The following SLC9A9 variants were observed in gnomAD, a reference collection of about 807,000 sequenced individuals.
SLC9A9 encodes the protein sodium/hydrogen exchanger 9.
SLC9A9 carries 62 observed loss-of-function variants against 77.8 expected under a neutral mutation model. That is an observed-to-expected ratio of 0.80 (90% CI 0.65 to 0.98). SLC9A9 has a LOEUF of 0.98. Ranked by LOEUF, SLC9A9 falls within the 50% of genes least tolerant of loss-of-function variation. SLC9A9 has a pLI of 0.00. For synonymous variants in SLC9A9, 320 were observed against 283.5 expected (o/e 1.13, Z -1.29); for missense variants, 775 against 774.9 (o/e 1.00, Z 0.00).
Position 143,571,490 on chromosome 3 carries a change from C to A in SLC9A9, c.1000+2598G>T, listed in dbSNP as rs186735696. Among the ~76,000 whole-genome samples the A allele has an allele frequency of 1.2e-4, 18 of 152,144 alleles. No individual in the cohort carries two copies. The East Asian group carries it at 3.5e-3, about 29-fold the overall frequency. On this transcript the variant is annotated intron_variant, in intron 8 of 15. Transcript: ENST00000316549. ...GAGAAATGACCATATGAAGAATGAA[C>A]CTCCATTTTCCCTAAAATTATTATT...
rs114348238 is a variant in SLC9A9, at chr3:143,528,767, C to T, written c.1089+23595G>A. On this transcript the variant is annotated intron_variant, in intron 9 of 15. Transcript: ENST00000316549. Reference sequence around the variant, plus strand: ...ATAAGCCACCTTCTATACATTAACTCATGCCTGGGTATTTTTGTCCTTCTA... The same window carrying T: ...ATAAGCCACCTTCTATACATTAACTTATGCCTGGGTATTTTTGTCCTTCTA... Among the ~76,000 whole-genome samples the T allele has an allele frequency of 3.6e-4, 54 of 151,402 alleles. 1 individual carries two copies. The highest frequency in any genetic ancestry group is 3.1e-3 in the East Asian group (16 of 5,148).
At chr3:143,821,065 C>A (rs1415041827) in intron 2 of SLC9A9, among the ~76,000 whole-genome samples, 4 of 152,100 alleles carry the variant, frequency 2.6e-5, no homozygotes, top group Non-Finnish European at 4.4e-5. Flanking sequence ...ACAGCAGGCA[C>A]CCTTGAGGGG....
intron 6 of SLC9A9, among the ~76,000 whole-genome samples, chr3:143,579,452 A>AT (rs922512424): frequency 1.1e-4 from 16 of 151,984 alleles, no homozygotes; most frequent in South Asian, 2.1e-4. Flanking sequence ...CATATAAGCT[A>AT]TTTTTTTTAA....
chr3:143,741,334 C>A (rs144208843), intron 4 of SLC9A9, among the ~76,000 whole-genome samples: 1 of 152,036 alleles, frequency 6.6e-6, no homozygotes, highest in Non-Finnish European at 1.5e-5. Flanking sequence ...GAAATACCAA[C>A]GGCCAAAGCT....
Position 143,352,772 on chromosome 3 carries a change from C to T in SLC9A9, c.1604+10712G>A, listed in dbSNP as rs566004616. 2.6e-4 allele frequency among the ~76,000 whole-genome samples: 40 copies of T among 152,288 alleles called. No homozygotes were observed. In the South Asian group the frequency reaches 8.3e-3, roughly 32 times the overall value. On this transcript the variant is annotated intron_variant, in intron 14 of 15. Coordinates refer to ENST00000316549, the MANE Select transcript of SLC9A9 (RefSeq NM_173653.4). ...TTCAAAGTAGAATGAAACAATTTGT[C>T]TACATTTTTATCCACACAGAAAACT...
chr3:143,558,599 T>G (rs961559801), intron 8 of SLC9A9, among the ~76,000 whole-genome samples: 1 of 152,228 alleles, frequency 6.6e-6, no homozygotes, highest in African/African-American at 2.4e-5. Flanking sequence ...TAATGGATTT[T>G]GGAGTTGCAT....
chr3:143,367,954 T>C (rs1447863684), intron 13 of SLC9A9, among the ~76,000 whole-genome samples: 1 of 152,212 alleles, frequency 6.6e-6, no homozygotes, highest in Non-Finnish European at 1.5e-5. Context: ...CTATTATTAA[T>C]AATGCCAACT....
intron 12 of SLC9A9, among the ~76,000 whole-genome samples, chr3:143,396,702 G>T (rs968118683): frequency 6.6e-6 from 1 of 152,132 alleles, no homozygotes; most frequent in African/African-American, 2.4e-5. Flanking sequence ...AGATATTGTT[G>T]TCTTTGCTAC....
chr3:143,687,143 C>A (rs1933297401), intron 5 of SLC9A9, among the ~76,000 whole-genome samples: 1 of 151,984 alleles, frequency 6.6e-6, no homozygotes, highest in Admixed American at 6.6e-5. Context: ...GGAGCTAAAT[C>A]GAAAATTGGC....
intron 5 of SLC9A9, among the ~76,000 whole-genome samples, chr3:143,661,598 G>A (rs1390582400): frequency 6.6e-6 from 1 of 152,084 alleles, no homozygotes; most frequent in African/African-American, 2.4e-5. Context: ...TAGAGGTGTT[G>A]CCCAGGAAAA....
intron 9 of SLC9A9, among the ~76,000 whole-genome samples, chr3:143,551,628 T>A (rs2036886384): frequency 6.6e-6 from 1 of 152,218 alleles, no homozygotes; most frequent in South Asian, 2.1e-4. Context: ...CCTGACTTTC[T>A]CAATCCTAAC....
intron 12 of SLC9A9, among the ~76,000 whole-genome samples, chr3:143,444,086 T>A (rs2034800633): frequency 1.3e-5 from 2 of 152,174 alleles, no homozygotes; most frequent in African/African-American, 4.8e-5. Flanking sequence ...AAACAACAGA[T>A]GAAATTTAAT....
chr3:143,587,008 A>C (rs913868754), intron 6 of SLC9A9, among the ~76,000 whole-genome samples: 35 of 152,354 alleles, frequency 2.3e-4, no homozygotes, highest in African/African-American at 7.0e-4. Context: ...CTCCTTAAGA[A>C]TCCAAATGTA....
intron 12 of SLC9A9, among the ~76,000 whole-genome samples, chr3:143,442,644 C>A (rs1368509250): frequency 6.6e-6 from 1 of 152,206 alleles, no homozygotes; most frequent in Non-Finnish European, 1.5e-5. Context: ...ATTGCTTGAA[C>A]CCGGGAGGCA....
At chr3:143,271,227 G>A (rs1437078286) in intron 14 of SLC9A9, among the ~76,000 whole-genome samples, 2 of 152,294 alleles carry the variant, frequency 1.3e-5, no homozygotes, top group African/African-American at 4.8e-5. Flanking sequence ...AATACTATTG[G>A]AGTAAATGCT....
intron 13 of SLC9A9, 112 bp downstream of exon 13, chr3:143,381,947 AG>A (rs1665098682): frequency 1.6e-6 from 2 of 1,212,982 alleles, no homozygotes; most frequent in Non-Finnish European, 2.4e-6. Flanking sequence ...TTATCAGCAG[AG>A]GAAGCTCCGT....
chr3:143,325,050 T>C (rs1177404416), intron 14 of SLC9A9, among the ~76,000 whole-genome samples: 1 of 151,900 alleles, frequency 6.6e-6, no homozygotes, highest in African/African-American at 2.4e-5. Context: ...TATTTTCTTC[T>C]TTGTTTCTGT....
intron 7 of SLC9A9, among the ~76,000 whole-genome samples, chr3:143,574,529 C>A (rs754200662): frequency 6.6e-6 from 1 of 152,122 alleles, no homozygotes; most frequent in Non-Finnish European, 1.5e-5. Context: ...CACGGAAAAA[C>A]AAAGCCAAGG....
At chr3:143,282,257 C>A (rs955432832) in intron 14 of SLC9A9, among the ~76,000 whole-genome samples, 1 of 151,964 alleles carries the variant, frequency 6.6e-6, no homozygotes, top group African/African-American at 2.4e-5. Context: ...ACAACACATA[C>A]CCCCCCAAAC....
Sources: allele counts gnomAD v4.1 joint callset (sites outside exome capture counted in the v4.1 genomes callset), GRCh38; gene constraint gnomAD v4.1.1; transcripts MANE v1.5; gene names NCBI Gene and HGNC (gene_info 2026-07-23, HGNC 2026-07-21).